The following TRPM6 variants were observed in gnomAD, a reference collection of about 807,000 sequenced individuals.
TRPM6 encodes the protein channel kinase 2.
Under a neutral mutation model 247.6 loss-of-function variants are expected in TRPM6, and 111 were observed. The ratio of observed to expected loss-of-function variants is 0.45; its 90% CI spans 0.38 to 0.52. TRPM6 has a LOEUF of 0.52. TRPM6 is among the 20% of genes least tolerant of loss of function. The pLI is 0.00. For missense variants in TRPM6, 2,126 were observed against 2,421.5 expected, an observed-to-expected ratio of 0.88 and a Z score of 2.56; for synonymous variants, 892 against 853.8, an observed-to-expected ratio of 1.04 and a Z score of -0.78.
rs770540284 is a variant in TRPM6 at position 74,842,326 on chromosome 9, A to T, written c.170T>A (p.Leu57Gln). The T allele has an allele frequency of 1.1e-5, 17 of 1,614,056 alleles. No individual in the cohort carries two copies. In the Admixed American group the frequency reaches 1.8e-4, roughly 17 times the overall value. ...QNLIRCYCGR[L>Q]IGDHAGIDYS... ...ATCTATCCCAGCATGGTCTCCAATC[A>T]GTCGGCCACAGTAACACCTTAAATT... The change falls in exon 4 of 39, where the codon CTG becomes CAG. Residue 57 changes from leucine to glutamine, a missense_variant. Physicochemically the swap from Leu to Gln is moderately radical, Grantham distance 113. Coordinates refer to ENST00000360774, the MANE Select transcript of TRPM6 (RefSeq NM_017662.5).
In TRPM6 at chr9:74,818,275, G is replaced by A. The variant is rs574092133; in HGVS notation, c.1135-1311C>T. On this transcript the variant is annotated intron_variant, in intron 9 of 38. Transcript: ENST00000360774. ...AGATTTCAACTCTTCTGAAACTCAC[G>A]TTTCAGATCTATCATTTCTTTTTTT... 6.9e-5 allele frequency among the ~76,000 whole-genome samples: 9 copies of A among 129,898 alleles called. No homozygotes were observed. The South Asian group carries it at 1.8e-3, about 26-fold the overall frequency. 85.2% of individuals were successfully genotyped at this position (129,898 alleles called of 152,430 possible).
chr9:74,838,034 A>C (rs1829789975), intron 5 of TRPM6, among the ~76,000 whole-genome samples: 1 of 152,114 alleles, frequency 6.6e-6, no homozygotes, highest in South Asian at 2.1e-4. Flanking sequence ...ATAGGCATGA[A>C]CCACTGTATC....
At chr9:74,801,243 A>ATTTTTTTTTTTTTTTTTT (rs59490187) in intron 16 of TRPM6, among the ~76,000 whole-genome samples, 4 of 85,252 alleles carry the variant, frequency 4.7e-5, no homozygotes, top group Non-Finnish European at 6.4e-5. Flanking sequence ...AAGCCTGGGA[A>ATTTTTTTTTTTTTTTTTT]TTTTTTTTTT....
At chr9:74,839,486 A>T (rs35669196) in intron 5 of TRPM6, among the ~76,000 whole-genome samples, 9,335 of 152,184 alleles carry the variant, frequency 0.061, 410 homozygotes, top group Non-Finnish European at 0.095. Flanking sequence ...TTTTACCCAC[A>T]TCACTGATTT....
intron 11 of TRPM6, among the ~76,000 whole-genome samples, chr9:74,812,781 T>C (rs1282703818): frequency 5.9e-5 from 9 of 151,956 alleles, no homozygotes; most frequent in African/African-American, 2.2e-4. Flanking sequence ...TCCCAGCTAA[T>C]TGGGAGGCTG....
intron 21 of TRPM6, among the ~76,000 whole-genome samples, 180 bp from the exon 22 acceptor site, chr9:74,783,033 G>T (rs1226430074): frequency 2.6e-5 from 4 of 152,186 alleles, no homozygotes; most frequent in Non-Finnish European, 5.9e-5. Context: ...TTCTCACACA[G>T]TATGCATTTC....
At chr9:74,769,486 T>C (rs190090624) in intron 25 of TRPM6, among the ~76,000 whole-genome samples, 20 of 152,154 alleles carry the variant, frequency 1.3e-4, no homozygotes, top group African/African-American at 3.6e-4. Context: ...CAGCCTGGCA[T>C]GGTGGCTCAT....
chr9:74,780,612 T>C (rs1311987192), intron 23 of TRPM6, among the ~76,000 whole-genome samples: 1 of 152,208 alleles, frequency 6.6e-6, no homozygotes, highest in African/African-American at 2.4e-5. Flanking sequence ...AAGGGTCATT[T>C]GGACTACTGT....
intron 5 of TRPM6, among the ~76,000 whole-genome samples, chr9:74,839,668 A>G (rs899382377): frequency 1.3e-5 from 2 of 152,034 alleles, no homozygotes; most frequent in African/African-American, 4.8e-5. Context: ...AAAATAGTAT[A>G]TTCTGACAAT....
intron 9 of TRPM6, among the ~76,000 whole-genome samples, chr9:74,820,005 T>C (rs1018277722): frequency 1.3e-5 from 2 of 152,006 alleles, no homozygotes; most frequent in Admixed American, 1.3e-4. Context: ...TAATTTTAAA[T>C]AATTTTACTT....
rs368768056 is a variant in TRPM6, at chr9:74,792,009, G to T, written c.2538+615C>A. ...CCTGACCTTGTGATCTGCCCGCCTC[G>T]GCCTCCCAAAGTGCTGGAATTACAG... On this transcript the variant is annotated intron_variant, in intron 19 of 38. Transcript: ENST00000360774. Among the ~76,000 whole-genome samples the T allele has an allele frequency of 4.1e-4, 63 of 152,160 alleles. 1 individual carries two copies. In the South Asian group the frequency reaches 0.013, roughly 31 times the overall value.
At chr9:74,777,097 CT>C (rs1332610801) in intron 23 of TRPM6, among the ~76,000 whole-genome samples, 3 of 152,254 alleles carry the variant, frequency 2.0e-5, no homozygotes, top group Non-Finnish European at 4.4e-5. Context: ...ATCAGGAGTT[CT>C]CAAGCATGTT....
At position 74,752,259 on chromosome 9, in the gene TRPM6, C is replaced by A. The variant is rs1198676204; in HGVS notation, c.4998+18G>T. 1 of 1,427,226 alleles carries A rather than the reference C, an allele frequency of 7.0e-7. No individual in the cohort carries two copies. The highest frequency in any genetic ancestry group is 9.8e-7 in the Non-Finnish European group (1 of 1,018,998). 88.4% of individuals were successfully genotyped at this position (1,427,226 alleles called of 1,614,324 possible). On this transcript the variant is annotated intron_variant, in intron 29 of 38. Transcript: ENST00000360774. ...CATGCTCGAATGCTTTTTTTTTTAACTCCTAAAATATTTTTACCTCTTGAG... is the reference window on the plus strand; with the variant it reads ...CATGCTCGAATGCTTTTTTTTTTAAATCCTAAAATATTTTTACCTCTTGAG...
At chr9:74,796,058 ATTAC>A (rs1255693913) in intron 18 of TRPM6, among the ~76,000 whole-genome samples, 2 of 152,252 alleles carry the variant, frequency 1.3e-5, no homozygotes, top group African/African-American at 4.8e-5. Flanking sequence ...AATAAATTGC[ATTAC>A]TTAATCAGTG....
Position 74,724,656 on chromosome 9 carries a change from C to A in TRPM6, c.6026G>T (p.Arg2009Met), listed in dbSNP as rs555686142. 6.2e-7 allele frequency: 1 copy of A among 1,614,208 alleles called. No homozygotes were observed. The highest frequency in any genetic ancestry group is 2.2e-5 in the East Asian group (1 of 44,884). The change falls in exon 39 of 39, where the codon AGG becomes ATG. Residue 2009 changes from arginine to methionine, a missense_variant. Physicochemically the swap from Arg to Met is moderately conservative, Grantham distance 91 (BLOSUM62 -1). Coordinates refer to ENST00000360774, the MANE Select transcript of TRPM6 (RefSeq NM_017662.5). ...TTCTGGGGAATTTCTACCCGTCTCC[C>A]TTGCTGGAGGCTCCTCAGCTGATTC... ...KIESAEEPPA[R>M]ETGRNSPEDD... is the part of the protein sequence containing the mutation.
chr9:74,739,244 A>C, intron 35 of TRPM6, 123 bp downstream of exon 35: 1 of 976,242 alleles, frequency 1.0e-6, no homozygotes, highest in Non-Finnish European at 1.6e-6. Flanking sequence ...TGGAAGGAAG[A>C]ATCCAAAAAT....
At chr9:74,787,072 C>T (rs568417405) in intron 20 of TRPM6, among the ~76,000 whole-genome samples, 3 of 151,524 alleles carry the variant, frequency 2.0e-5, no homozygotes, top group South Asian at 2.1e-4. Flanking sequence ...CAGTGGCTCA[C>T]GCCTGTAATC....
At chr9:74,856,973 C>G (rs932495408) in intron 2 of TRPM6, among the ~76,000 whole-genome samples, 2 of 152,148 alleles carry the variant, frequency 1.3e-5, no homozygotes, top group Non-Finnish European at 2.9e-5. Flanking sequence ...GAATTACAAT[C>G]GTTGATACTC....
chr9:74,778,389 TA>T (rs1827299857), intron 23 of TRPM6, among the ~76,000 whole-genome samples: 1 of 152,176 alleles, frequency 6.6e-6, no homozygotes, highest in African/African-American at 2.4e-5. Context: ...TAAAATCAGC[TA>T]TTATGTTTGA....
Sources: allele counts gnomAD v4.1 joint callset (sites outside exome capture counted in the v4.1 genomes callset), GRCh38; gene constraint gnomAD v4.1.1; transcripts MANE v1.5; gene names NCBI Gene and HGNC (gene_info 2026-07-23, HGNC 2026-07-21).